SEMA4D: variants seen among roughly 807,000 people sequenced by gnomAD.
The protein encoded by SEMA4D is semaphorin 4D, also known as semaphorin-4D.
Under a neutral mutation model 74.8 loss-of-function variants are expected in SEMA4D, and 22 were observed. That is an observed-to-expected ratio of 0.29 (90% CI 0.21 to 0.42). The LOEUF is 0.42. Among genes scored for constraint, SEMA4D ranks in the 10% least tolerant of loss-of-function variants. The pLI is 1.00. For missense variants in SEMA4D, 937 were observed against 1,118.4 expected (o/e 0.84, Z 2.31); for synonymous variants, 445 against 463.7 (o/e 0.96, Z 0.52).
chr9:89,383,702 G>A (rs1291508124), intron 13 of SEMA4D, among the ~76,000 whole-genome samples: 5 of 152,120 alleles, frequency 3.3e-5, no homozygotes, highest in African/African-American at 1.2e-4. Context: ...GAGCTAGGTG[G>A]GGGCGCTCAA....
At chr9:89,373,770 C>T (rs1835429234), downstream of SEMA4D, among the ~76,000 whole-genome samples, 1 of 152,172 alleles carries the variant, frequency 6.6e-6, no homozygotes, top group African/African-American at 2.4e-5. Context: ...GCCTTGAGTG[C>T]ACTGTATTGC....
intron 2 of SEMA4D, among the ~76,000 whole-genome samples, chr9:89,435,878 C>A (rs979278486): frequency 6.6e-6 from 1 of 152,224 alleles, no homozygotes; most frequent in Non-Finnish European, 1.5e-5. Flanking sequence ...AAAGGAAGGG[C>A]ATGAACACTG....
intron 13 of SEMA4D, among the ~76,000 whole-genome samples, chr9:89,383,683 G>A (rs183627249): frequency 6.6e-6 from 1 of 152,266 alleles, no homozygotes; most frequent in Non-Finnish European, 1.5e-5. Context: ...GTGAGACATC[G>A]GACATGTGGA....
downstream of SEMA4D, among the ~76,000 whole-genome samples, chr9:89,372,337 T>G (rs1241066037): frequency 3.4e-4 from 19 of 55,128 alleles, no homozygotes; most frequent in South Asian, 7.0e-4. Context: ...GAGGTGTGTG[T>G]GGGGGGGTGT....
intron 2 of SEMA4D, chr9:89,449,813 T>C: frequency 1.3e-6 from 2 of 1,494,014 alleles, no homozygotes; most frequent in Non-Finnish European, 1.9e-6. Flanking sequence ...TAAATAACTG[T>C]GTATGTCACT....
At chr9:89,462,364 TA>T (rs1564879626) in intron 1 of SEMA4D, among the ~76,000 whole-genome samples, 1 of 152,188 alleles carries the variant, frequency 6.6e-6, no homozygotes, top group Non-Finnish European at 1.5e-5. Flanking sequence ...CAAAAGCCCA[TA>T]AGGCTAGCTT....
chr9:89,371,596 C>G (rs1291077283), intron 16 of SEMA4D, among the ~76,000 whole-genome samples: 4 of 23,082 alleles, frequency 1.7e-4, no homozygotes, highest in Non-Finnish European at 2.9e-4. Flanking sequence ...TGGTGTGTGT[C>G]TGGGGTGTGG....
chr9:89,465,090 G>A (rs1858335097), intron 1 of SEMA4D, among the ~76,000 whole-genome samples: 1 of 152,112 alleles, frequency 6.6e-6, no homozygotes, highest in Non-Finnish European at 1.5e-5. Flanking sequence ...CCAGGAAGGG[G>A]GCACATTTCC....
At chr9:89,473,503 T>C (rs775453484) in intron 1 of SEMA4D, among the ~76,000 whole-genome samples, 1 of 151,798 alleles carries the variant, frequency 6.6e-6, no homozygotes. Context: ...GAGGCTGACA[T>C]GGGAGGACTG....
rs774249862 is a variant in SEMA4D, at chr9:89,379,564, A to G, written c.1729T>C (p.Ser577Pro). The change falls in exon 16 of 16, where the codon TCC (serine) becomes CCC (proline). Residue 577 changes from serine (S) to proline (P), a missense_variant. Transcript: ENST00000422704. ...ACCCGGGCCAGGTTGGATTTTTGGGAGCATTTCAGTTCCGCTGTGCCACCG... is the reference window on the plus strand; with the variant it reads ...ACCCGGGCCAGGTTGGATTTTTGGGGGCATTTCAGTTCCGCTGTGCCACCG... ...KHGGTAELKC[S>P]QKSNLARVFW... 1.2e-6 allele frequency: 2 copies of G among 1,614,194 alleles called. No individual in the cohort carries two copies. The highest frequency in any genetic ancestry group is 1.7e-6 in the Non-Finnish European group (2 of 1,180,036).
intron 1 of SEMA4D, among the ~76,000 whole-genome samples, chr9:89,463,608 T>G (rs1857886474): frequency 6.6e-6 from 1 of 152,188 alleles, no homozygotes; most frequent in Non-Finnish European, 1.5e-5. Flanking sequence ...CCAAAGTGTA[T>G]TCACAACACA....
chr9:89,362,250 T>C, exon 19 of SEMA4D: 1 of 1,332,062 alleles, frequency 7.5e-7, no homozygotes, highest in Non-Finnish European at 1.1e-6. Context: ...CCTCTGCCCA[T>C]CAGGTGGTGG....
chr9:89,388,685 G>T lies in SEMA4D; in HGVS notation c.1058C>A (p.Thr353Asn). The stretch of plus-strand genomic sequence containing the variant: ...CGGGCCATTATAGCGCACCCACTTG[G>T]TGTGGGACTGCTCCACTGTGGTGCT... ...MQSTTVEQSH[T>N]KWVRYNGPVP... The change falls in exon 11 of 16, where the codon ACC becomes AAC. Residue 353 changes from threonine to asparagine, a missense_variant. Coordinates refer to ENST00000422704, the MANE Select transcript of SEMA4D (RefSeq NM_001371194.2). 6.2e-7 allele frequency: 1 copy of T among 1,608,248 alleles called. No homozygotes were observed. The highest frequency in any genetic ancestry group is 1.1e-5 in the South Asian group (1 of 90,890).
chr9:89,479,548 C>T (rs1291013194), intron 1 of SEMA4D: 4 of 182,034 alleles, frequency 2.2e-5, no homozygotes, highest in South Asian at 1.4e-4. Context: ...CGTGGACCCT[C>T]GCGGTGAGTG....
intron 2 of SEMA4D, among the ~76,000 whole-genome samples, chr9:89,406,711 G>A (rs1843393886): frequency 6.6e-6 from 1 of 152,102 alleles, no homozygotes; most frequent in African/African-American, 2.4e-5. Flanking sequence ...ACAGCAACCT[G>A]GGATCCCTGA....
At chr9:89,450,660 G>GGGAAA (rs1491451024) in intron 2 of SEMA4D, 19 of 430,438 alleles carry the variant, frequency 4.4e-5, no homozygotes, top group South Asian at 2.9e-4. Context: ...AAAAACCCAG[G>GGGAAA]AAAAAAAAAA....
rs368023165 is a variant in SEMA4D at position 89,399,549 on chromosome 9, GGA to G, written c.253-213_253-212del. On this transcript the variant is annotated intron_variant, in intron 4 of 15. Coordinates refer to ENST00000422704, the MANE Select transcript of SEMA4D (RefSeq NM_001371194.2). Reference sequence around the variant, plus strand: ...CTGTGATCCTTATCCTGAAACCAGTGGAGTCTGGAAGACCAGCTCCAAAAGTT... The same window carrying G: ...CTGTGATCCTTATCCTGAAACCAGTGGTCTGGAAGACCAGCTCCAAAAGTT... Among the ~76,000 whole-genome samples the G allele has an allele frequency of 7.7e-3, 1,176 of 152,242 alleles. 7 individuals carry two copies. Among genetic ancestry groups the G allele is most frequent in the South Asian group, 0.047 (229 of 4,832 alleles).
rs142983612 is a variant in SEMA4D, at chr9:89,492,806, G to A, written c.-310+5113C>T. Among the ~76,000 whole-genome samples the A allele has an allele frequency of 1.7e-4, 26 of 152,182 alleles. No homozygotes were observed. The highest frequency in any genetic ancestry group is 5.5e-4 in the African/African-American group (23 of 41,520). ...GACTGCCCGAGCTCCTGCAAGGCCC[G>A]CCCCGCACCGCCCTCCTACCATTGC... On this transcript the variant is annotated intron_variant, in intron 1 of 15. Transcript: ENST00000422704. This position sits in a 1 kb window ranked among gnomAD's most constrained non-coding sequence, Gnocchi z 4.3.
intron 2 of SEMA4D, among the ~76,000 whole-genome samples, chr9:89,454,010 A>G (rs1855310933): frequency 6.6e-6 from 1 of 152,002 alleles, no homozygotes. Context: ...GGCGCCCGCC[A>G]CCACGCCTGG....
Sources: allele counts gnomAD v4.1 joint callset (sites outside exome capture counted in the v4.1 genomes callset), GRCh38; gene constraint gnomAD v4.1.1; non-coding constraint Gnocchi (gnomAD v3.1); transcripts MANE v1.5; gene names NCBI Gene and HGNC (gene_info 2026-07-23, HGNC 2026-07-21).